Variants in FBXL13 observed in about 807,000 individuals in gnomAD.
FBXL13 encodes the protein F-box and leucine rich repeat protein 13, also known as F-box and leucine-rich repeat protein 13.
FBXL13 carries 67 observed loss-of-function variants against 83.6 expected under a neutral mutation model. The ratio of observed to expected loss-of-function variants is 0.80; its 90% CI spans 0.66 to 0.98. The LOEUF is 0.98. Among genes scored for constraint, FBXL13 ranks in the 50% least tolerant of loss-of-function variants. The pLI, the probability that FBXL13 is intolerant of heterozygous loss-of-function variation, is 0.00. For missense variants in FBXL13, 822 were observed against 866.5 expected (o/e 0.95, Z 0.64); for synonymous variants, 272 against 299.5 (o/e 0.91, Z 0.95).
intron 6 of FBXL13, among the ~76,000 whole-genome samples, chr7:103,018,601 T>C (rs568780602): frequency 3.3e-5 from 5 of 152,032 alleles, no homozygotes; most frequent in Non-Finnish European, 5.9e-5. Context: ...GAGGCACACA[T>C]AGGCTCAAAA....
chr7:102,944,297 TG>T lies in FBXL13; in HGVS notation c.725-12365del, dbSNP rs1303867937. On this transcript the variant is annotated intron_variant, in intron 8 of 19. Transcript: ENST00000313221. ...TTTGACTATGGCGTATTAGAAGACTTGTATTTTTTGAAACTCTTGTGGCTCA... is the reference window on the plus strand; with the variant it reads ...TTTGACTATGGCGTATTAGAAGACTTTATTTTTTGAAACTCTTGTGGCTCA... The T allele has an allele frequency of 1.9e-6, 3 of 1,614,038 alleles. No individual in the cohort carries two copies. In the South Asian group the frequency reaches 3.3e-5, roughly 18 times the overall value.
At chr7:102,865,065 A>G (rs536343009) in intron 16 of FBXL13, among the ~76,000 whole-genome samples, 1 of 152,290 alleles carries the variant, frequency 6.6e-6, no homozygotes, top group South Asian at 2.1e-4. Context: ...TCAGTTTGGT[A>G]CTCCCAGAAC....
chr7:102,953,173 T>C (rs1823691967), intron 8 of FBXL13, among the ~76,000 whole-genome samples: 1 of 152,156 alleles, frequency 6.6e-6, no homozygotes, highest in South Asian at 2.1e-4. Context: ...AATATTATCC[T>C]GACAAGGAAG....
intron 11 of FBXL13, 85 bp from the exon 13 acceptor site, chr7:102,884,397 AT>A: frequency 1.1e-6 from 1 of 927,260 alleles, no homozygotes; most frequent in Non-Finnish European, 1.7e-6. Flanking sequence ...ATACACCATA[AT>A]TTTGTTACTA....
chr7:103,034,849 A>G (rs1257868178), intron 2 of FBXL13, among the ~76,000 whole-genome samples: 1 of 152,236 alleles, frequency 6.6e-6, no homozygotes, highest in Non-Finnish European at 1.5e-5. Context: ...ACTTAAACTA[A>G]TGTGATACAA....
intron 1 of FBXL13, among the ~76,000 whole-genome samples, chr7:103,065,322 T>C (rs1798292688): frequency 6.6e-6 from 1 of 152,244 alleles, no homozygotes; most frequent in Admixed American, 6.5e-5. Context: ...TATCTACCCA[T>C]TTCTACCTAT....
intron 10 of FBXL13, among the ~76,000 whole-genome samples, chr7:102,918,735 G>A (rs931243822): frequency 6.6e-6 from 1 of 152,154 alleles, no homozygotes; most frequent in Admixed American, 6.6e-5. Context: ...GCTGGGTGTA[G>A]CCTGGGTGAA....
intron 18 of FBXL13, among the ~76,000 whole-genome samples, chr7:102,824,431 C>G (rs1799262038): frequency 6.6e-6 from 1 of 152,168 alleles, no homozygotes; most frequent in Non-Finnish European, 1.5e-5. Flanking sequence ...TTGCTCGTTT[C>G]TCATTCCTAT....
intron 18 of FBXL13, among the ~76,000 whole-genome samples, chr7:102,831,495 T>G (rs962229573): frequency 6.6e-6 from 1 of 151,840 alleles, no homozygotes; most frequent in Admixed American, 6.6e-5. Context: ...AACCAGAATT[T>G]AGGAAATAAA....
intron 11 of FBXL13, among the ~76,000 whole-genome samples, chr7:102,901,560 A>C (rs1483618876): frequency 6.6e-6 from 1 of 152,164 alleles, no homozygotes; most frequent in Admixed American, 6.5e-5. Flanking sequence ...AAGCCCCATT[A>C]TCCTTCCCAG....
intron 14 of FBXL13, among the ~76,000 whole-genome samples, chr7:102,882,701 G>A (rs939063142): frequency 6.6e-6 from 1 of 152,120 alleles, no homozygotes; most frequent in Non-Finnish European, 1.5e-5. Context: ...GGCAGAGGTT[G>A]CAGTGAGCTG....
At chr7:102,958,399 G>C (rs1022059181) in intron 8 of FBXL13, among the ~76,000 whole-genome samples, 2 of 151,768 alleles carry the variant, frequency 1.3e-5, no homozygotes, top group African/African-American at 4.8e-5. Flanking sequence ...GTGGTGGACT[G>C]GGGGAGGGAT....
intron 17 of FBXL13, among the ~76,000 whole-genome samples, chr7:102,848,482 AGAGGC>A (rs1439265305): frequency 1.4e-5 from 1 of 70,318 alleles, no homozygotes; most frequent in Non-Finnish European, 2.4e-5. Flanking sequence ...CGTGAACCCA[AGAGGC>A]GGAGCTTGCA....
intron 11 of FBXL13, among the ~76,000 whole-genome samples, chr7:102,908,401 A>G (rs2129467943): frequency 6.6e-6 from 1 of 152,260 alleles, no homozygotes; most frequent in East Asian, 1.9e-4. Context: ...TTTCTCCAGG[A>G]TTGCCCCTTG....
At chr7:102,828,773 T>C (rs1226402925) in intron 18 of FBXL13, among the ~76,000 whole-genome samples, 1 of 152,222 alleles carries the variant, frequency 6.6e-6, no homozygotes, top group Non-Finnish European at 1.5e-5. Context: ...ATTCTGTGCA[T>C]GCCCTGGGGA....
intron 2 of FBXL13, 110 bp from the exon 3 acceptor site, chr7:103,055,288 C>T (rs1797230143): frequency 1.8e-6 from 1 of 545,810 alleles, no homozygotes; most frequent in South Asian, 1.9e-5. Context: ...AAGGAAAACA[C>T]ATTTCCCCTT....
In FBXL13 at chr7:103,054,714, AAC is replaced by A. The variant is rs1453854015; in HGVS notation, c.-1+928_-1+929del. 5.9e-5 allele frequency among the ~76,000 whole-genome samples: 9 copies of A among 152,338 alleles called. No individual in the cohort carries two copies. In the East Asian group the frequency reaches 1.7e-3, roughly 29 times the overall value. ...GCAGAGAGAATGGGCGGTGGAATGG[AAC>A]ACAGAAGGAAGCAGATTAGAAAGGA... On this transcript the variant is annotated intron_variant, in intron 2 of 19. Transcript: ENST00000313221.
chr7:102,815,772 C>G (rs1401481151), intron 19 of FBXL13, among the ~76,000 whole-genome samples: 2 of 151,886 alleles, frequency 1.3e-5, no homozygotes, highest in Non-Finnish European at 2.9e-5. Context: ...AGGATAAGTA[C>G]TACTAATGAT....
intron 16 of FBXL13, 107 bp downstream of exon 17, chr7:102,877,360 G>T (rs1809407361): frequency 7.1e-6 from 7 of 991,822 alleles, no homozygotes; most frequent in Non-Finnish European, 8.2e-6. Flanking sequence ...TTTTATAATA[G>T]AATAACAAAT....
Sources: gnomAD v4.1 joint callset for allele counts (sites outside exome capture counted in the v4.1 genomes callset) on GRCh38, gnomAD v4.1.1 for gene constraint, MANE v1.5 for transcripts, NCBI Gene and HGNC (gene_info 2026-07-23, HGNC 2026-07-21) for gene names.